Variants in WDR72 observed in about 807,000 individuals in gnomAD.
The protein encoded by WDR72 is WD repeat domain 72.
A neutral mutation model predicts 124.2 loss-of-function variants in WDR72; 120 were observed. The observed-to-expected ratio is 0.97, with a 90% confidence interval of 0.83 to 1.12. The LOEUF is 1.12. WDR72 is among the 50% of genes most tolerant of loss of function. WDR72 has a pLI of 0.00. For missense variants in WDR72, 1,387 were observed against 1,278.8 expected (o/e 1.08, Z -1.29); for synonymous variants, 452 against 441.7 (o/e 1.02, Z -0.29).
intron 9 of WDR72, 76 bp downstream of exon 9, chr15:53,710,781 T>C (rs539554890): frequency 1.6e-6 from 2 of 1,227,560 alleles, no homozygotes; most frequent in African/African-American, 2.9e-5. Flanking sequence ...AGCCTGATTC[T>C]GTGACAGACA....
At chr15:53,701,162 T>A (rs907424605) in intron 12 of WDR72, among the ~76,000 whole-genome samples, 3 of 152,212 alleles carry the variant, frequency 2.0e-5, no homozygotes, top group African/African-American at 7.2e-5. Flanking sequence ...AGCGATTTCA[T>A]TTTGCCCATA....
intron 17 of WDR72, among the ~76,000 whole-genome samples, chr15:53,602,333 G>C (rs1461334140): frequency 6.6e-6 from 1 of 151,980 alleles, no homozygotes; most frequent in African/African-American, 2.4e-5. Context: ...CAAAGCTAAG[G>C]TAGGGTTAAG....
At chr15:53,731,740 T>TGGGCA (rs1384527199) in intron 2 of WDR72, among the ~76,000 whole-genome samples, 1 of 152,042 alleles carries the variant, frequency 6.6e-6, no homozygotes, top group African/African-American at 2.4e-5. Context: ...TGTACTGCAC[T>TGGGCA]GTAACCTCCT....
intron 18 of WDR72, among the ~76,000 whole-genome samples, chr15:53,532,779 T>C (rs992550100): frequency 6.6e-6 from 1 of 152,004 alleles, no homozygotes; most frequent in African/African-American, 2.4e-5. Context: ...AAGAGTGGAA[T>C]TGGAATGTTC....
intron 14 of WDR72, among the ~76,000 whole-genome samples, chr15:53,656,559 G>C (rs1395767161): frequency 6.6e-6 from 1 of 152,130 alleles, no homozygotes; most frequent in East Asian, 1.9e-4. Context: ...TACAGAAGTA[G>C]TGCTCCTGTT....
At chr15:53,553,127 G>A (rs1419158443) in intron 18 of WDR72, among the ~76,000 whole-genome samples, 1 of 152,108 alleles carries the variant, frequency 6.6e-6, no homozygotes, top group Non-Finnish European at 1.5e-5. Context: ...CAGGGGAGGA[G>A]AAAATCATAA....
intron 6 of WDR72, 47 bp from the exon 7 acceptor site, chr15:53,712,938 T>C (rs1488762680): frequency 1.9e-6 from 3 of 1,607,060 alleles, no homozygotes; most frequent in Non-Finnish European, 1.7e-6. Flanking sequence ...AGGTAATTCA[T>C]ACACAGCCAT....
chr15:53,667,025 T>C (rs2015802393), intron 13 of WDR72, among the ~76,000 whole-genome samples: 1 of 152,182 alleles, frequency 6.6e-6, no homozygotes, highest in Non-Finnish European at 1.5e-5. Context: ...CTTATAAACA[T>C]GTTGTTCTTC....
intron 18 of WDR72, among the ~76,000 whole-genome samples, chr15:53,525,411 C>T (rs1892058119): frequency 6.6e-6 from 1 of 151,988 alleles, no homozygotes; most frequent in African/African-American, 2.4e-5. Context: ...ATTGCACTTG[C>T]CATCCAACAC....
chr15:53,620,079 T>G (rs1282415682), intron 14 of WDR72, among the ~76,000 whole-genome samples: 1 of 152,048 alleles, frequency 6.6e-6, no homozygotes, highest in Non-Finnish European at 1.5e-5. Flanking sequence ...TCAATAATCT[T>G]AAAATGTTAC....
intron 14 of WDR72, among the ~76,000 whole-genome samples, chr15:53,633,389 T>C (rs956891596): frequency 1.3e-5 from 2 of 152,196 alleles, no homozygotes; most frequent in Non-Finnish European, 2.9e-5. Context: ...GCCACTATGC[T>C]TCCTGTACAG....
chr15:53,620,072 A>G (rs61581687), intron 14 of WDR72, among the ~76,000 whole-genome samples: 7,545 of 152,136 alleles, frequency 0.05, 643 homozygotes, highest in African/African-American at 0.17. Flanking sequence ...ACATGTATCA[A>G]TAATCTTAAA....
Position 53,515,335 on chromosome 15 carries a change from C to T in WDR72, c.*2364G>A, listed in dbSNP as rs1313123754. Reference sequence around the variant, plus strand: ...GTGTAGTACCAAGTGGTTATGATCACCACGTACGTGGTCTATCCAGTTAAC... The same window carrying T: ...GTGTAGTACCAAGTGGTTATGATCATCACGTACGTGGTCTATCCAGTTAAC... On this transcript the variant is annotated 3_prime_UTR_variant, in exon 20 of 20. Transcript: ENST00000360509. 6.6e-6 allele frequency: 1 copy of T among 152,030 alleles called. No individual in the cohort carries two copies. The highest frequency in any genetic ancestry group is 1.9e-4 in the East Asian group (1 of 5,174). 9.4% of individuals were successfully genotyped at this position (152,030 alleles called of 1,614,324 possible). A position where few individuals can be genotyped will look rare whatever the true frequency, so the allele number is the denominator to read the frequency against.
intron 13 of WDR72, among the ~76,000 whole-genome samples, chr15:53,670,131 A>G (rs1380415775): frequency 2.0e-5 from 3 of 152,134 alleles, no homozygotes; most frequent in Admixed American, 2.0e-4. Flanking sequence ...TATTGTATAA[A>G]ATGCTTTCCA....
Position 53,523,261 on chromosome 15 carries a change from C to T in WDR72, c.3210G>A (p.Glu1070=), listed in dbSNP as rs1595726636. 6.2e-7 allele frequency: 1 copy of T among 1,613,170 alleles called. No homozygotes were observed. The highest frequency in any genetic ancestry group is 8.5e-7 in the Non-Finnish European group (1 of 1,179,436). ...CCAAGGCACATCTGTCAGGCATGTC[C>T]TCCACGTCTTGGAAGTTTGCCGAGT... ...NSNSANFQDV[E]DMPDRCALEE... is the part of the protein sequence containing the mutation. The change falls in exon 19 of 20, where the codon GAG becomes GAA. Residue 1070 remains glutamate (E), a synonymous_variant. Transcript: ENST00000360509.
In WDR72 at chr15:53,706,090, GC is replaced by G; in HGVS notation, c.955-17del. ...GGCTCTGTTCCTAAACAAAAAGTGA[GC>G]TTTTATGTAGGAAATATTCTAACTA... On this transcript the variant is annotated splice_polypyrimidine_tract_variant and intron_variant, in intron 9 of 19. Transcript: ENST00000360509. 1 of 1,613,472 alleles carries G rather than the reference GC, an allele frequency of 6.2e-7. No homozygotes were observed. Among genetic ancestry groups the G allele is most frequent in the Non-Finnish European group, 8.5e-7 (1 of 1,179,852 alleles).
intron 1 of WDR72, among the ~76,000 whole-genome samples, chr15:53,742,993 A>G (rs1339821231): frequency 6.6e-6 from 1 of 152,140 alleles, no homozygotes; most frequent in East Asian, 1.9e-4. Context: ...TTCCTACACA[A>G]ATTCTTGACT....
At chr15:53,521,164 A>C (rs917524892) in intron 19 of WDR72, among the ~76,000 whole-genome samples, 1 of 152,114 alleles carries the variant, frequency 6.6e-6, no homozygotes, top group African/African-American at 2.4e-5. Context: ...TGCAGAAAGA[A>C]ATCCTAAAAC....
At chr15:53,649,408 G>A (rs1002300875) in intron 14 of WDR72, among the ~76,000 whole-genome samples, 2 of 152,054 alleles carry the variant, frequency 1.3e-5, no homozygotes, top group Admixed American at 1.3e-4. Flanking sequence ...GGGCAAAAAT[G>A]CAATATAAAT....
Sources: allele counts gnomAD v4.1 joint callset (sites outside exome capture counted in the v4.1 genomes callset), GRCh38; gene constraint gnomAD v4.1.1; transcripts MANE v1.5; gene names NCBI Gene and HGNC (gene_info 2026-07-23, HGNC 2026-07-21).